Variants in PCDH7 observed in about 807,000 individuals in gnomAD.
The protein encoded by PCDH7 is protocadherin 7.
Under a neutral mutation model 58.9 loss-of-function variants are expected in PCDH7, and 17 were observed. The ratio of observed to expected loss-of-function variants is 0.29; its 90% CI spans 0.20 to 0.43. PCDH7 has a LOEUF of 0.43. Ranked by LOEUF, PCDH7 falls within the 20% of genes least tolerant of loss-of-function variation. The pLI, the probability that PCDH7 is intolerant of heterozygous loss-of-function variation, is 1.00. For missense variants in PCDH7, 1,274 were observed against 1,441.0 expected, an observed-to-expected ratio of 0.88 and a Z score of 1.88; for synonymous variants, 664 against 616.4, an observed-to-expected ratio of 1.08 and a Z score of -1.14.
At chr4:30,768,279 A>ATCCAAGTAGTATGCATAAATCT (rs1720993507) in intron 1 of PCDH7, among the ~76,000 whole-genome samples, 2 of 144,066 alleles carry the variant, frequency 1.4e-5, no homozygotes, top group African/African-American at 5.2e-5. Flanking sequence ...ATATTGGCTA[A>ATCCAAGTAGTATGCATAAATCT]TCCAAGTAGT....
intron 1 of PCDH7, among the ~76,000 whole-genome samples, chr4:30,873,504 T>TCTATATACAAATTTAATTTGAGAC (rs1735884898): frequency 6.6e-6 from 1 of 152,086 alleles, no homozygotes; most frequent in African/African-American, 2.4e-5. Flanking sequence ...TAATTTGAGA[T>TCTATATACAAATTTAATTTGAGAC]CTATATGTAT....
rs550088212 is a variant in PCDH7, at chr4:30,856,434, T to C, written c.71-63719T>C. Reference sequence around the variant, plus strand: ...AGAATTTAGTAGGTAAAAGAAGAAATACAGATTAAACTTTGAGCTTCTTAA... The same window carrying C: ...AGAATTTAGTAGGTAAAAGAAGAAACACAGATTAAACTTTGAGCTTCTTAA... On this transcript the variant is annotated intron_variant, in intron 1 of 3. Transcript: ENST00000509759. Among the ~76,000 whole-genome samples, 27 of 152,128 alleles carry C rather than the reference T, an allele frequency of 1.8e-4. No individual in the cohort carries two copies. In the East Asian group the frequency reaches 4.1e-3, roughly 23 times the overall value.
intron 1 of PCDH7, among the ~76,000 whole-genome samples, chr4:30,789,853 T>C (rs764890037): frequency 6.6e-6 from 1 of 152,198 alleles, no homozygotes; most frequent in Non-Finnish European, 1.5e-5. Flanking sequence ...ATCTCTCTTA[T>C]GTCCCCCTGT....
intron 1 of PCDH7, among the ~76,000 whole-genome samples, chr4:30,776,858 G>GGTGTGTGTGTGT (rs57657077): frequency 2.0e-5 from 3 of 147,622 alleles, no homozygotes; most frequent in African/African-American, 7.5e-5. Flanking sequence ...TTTGATATGT[G>GGTGTGTGTGTGT]GTGTGTGTGT....
chr4:31,137,910 G>A (rs980183876), intron 3 of PCDH7, among the ~76,000 whole-genome samples: 1 of 152,154 alleles, frequency 6.6e-6, no homozygotes, highest in Admixed American at 6.5e-5. Context: ...AAAGATCCAT[G>A]TATCTCTAGC....
chr4:30,778,823 A>G (rs1722411583), intron 1 of PCDH7, among the ~76,000 whole-genome samples: 1 of 152,076 alleles, frequency 6.6e-6, no homozygotes, highest in Non-Finnish European at 1.5e-5. Flanking sequence ...CGTCTTTGTG[A>G]TATAATTCTC....
chr4:30,830,023 T>C (rs9884647), intron 1 of PCDH7, among the ~76,000 whole-genome samples: 5,758 of 152,218 alleles, frequency 0.038, 354 homozygotes, highest in African/African-American at 0.13. Context: ...TTAAAACTTA[T>C]TTATTCTGCT....
At chr4:31,078,667 A>C (rs1179603241) in intron 3 of PCDH7, among the ~76,000 whole-genome samples, 1 of 69,882 alleles carries the variant, frequency 1.4e-5, no homozygotes, top group African/African-American at 6.8e-5. Flanking sequence ...TTTTTTTTGC[A>C]ATCAAACATC....
chr4:31,070,605 CA>C (rs1234124371), intron 3 of PCDH7, among the ~76,000 whole-genome samples: 2 of 151,970 alleles, frequency 1.3e-5, no homozygotes, highest in Non-Finnish European at 2.9e-5. Flanking sequence ...GTTGTGTTAA[CA>C]AAATGATTAC....
chr4:31,115,074 C>T (rs756128590), intron 3 of PCDH7, among the ~76,000 whole-genome samples: 9 of 152,094 alleles, frequency 5.9e-5, no homozygotes, highest in Non-Finnish European at 1.2e-4. Flanking sequence ...ACTTCTGACC[C>T]GTTTCCCTCC....
intron 3 of PCDH7, among the ~76,000 whole-genome samples, chr4:31,018,359 C>T (rs867416231): frequency 2.6e-5 from 4 of 152,152 alleles, no homozygotes; most frequent in Non-Finnish European, 5.9e-5. Context: ...TAGAAGTGAA[C>T]TACATCTATC....
chr4:30,724,900 G>C (rs1319930740), intron 1 of PCDH7: 1 of 1,159,110 alleles, frequency 8.6e-7, no homozygotes, highest in Non-Finnish European at 1.1e-6. Context: ...TTTGTTTCCA[G>C]AATAAATATG....
intron 3 of PCDH7, among the ~76,000 whole-genome samples, chr4:31,063,049 A>G (rs1458258941): frequency 1.3e-5 from 2 of 151,860 alleles, no homozygotes; most frequent in Non-Finnish European, 2.9e-5. Context: ...TGGGTATCTG[A>G]GAAGACTTTG....
At chr4:31,039,254 T>A (rs1398582567) in intron 3 of PCDH7, among the ~76,000 whole-genome samples, 5 of 152,236 alleles carry the variant, frequency 3.3e-5, no homozygotes. Flanking sequence ...TCTCAACTCC[T>A]TCTACCATCA....
At chr4:30,879,161 T>TCCTC (rs1385662425) in intron 1 of PCDH7, among the ~76,000 whole-genome samples, 1 of 152,002 alleles carries the variant, frequency 6.6e-6, no homozygotes. Context: ...CCTCCTGTTT[T>TCCTC]CCTCCCTCCC....
At chr4:30,878,479 G>A (rs912736985) in intron 1 of PCDH7, among the ~76,000 whole-genome samples, 11 of 152,078 alleles carry the variant, frequency 7.2e-5, no homozygotes, top group Admixed American at 3.3e-4. Context: ...GGACCTTTCC[G>A]AAACTGAGGT....
intron 1 of PCDH7, chr4:30,724,806 C>T: frequency 7.2e-7 from 1 of 1,393,862 alleles, no homozygotes; most frequent in Non-Finnish European, 9.3e-7. Flanking sequence ...TTAAGGTTCA[C>T]TAAACTACTG....
chr4:31,123,945 A>C (rs1171731999), intron 3 of PCDH7, among the ~76,000 whole-genome samples: 1 of 152,118 alleles, frequency 6.6e-6, no homozygotes, highest in Non-Finnish European at 1.5e-5. Context: ...TCCAATGTCC[A>C]GCTGCCTCTT....
intron 3 of PCDH7, among the ~76,000 whole-genome samples, chr4:30,998,212 A>G (rs1752065772): frequency 6.6e-6 from 1 of 152,182 alleles, no homozygotes; most frequent in Admixed American, 6.6e-5. Context: ...TGTGCAAGAG[A>G]AACAGCCAGA....
Sources: allele counts gnomAD v4.1 joint callset (sites outside exome capture counted in the v4.1 genomes callset), GRCh38; gene constraint gnomAD v4.1.1; transcripts MANE v1.5; gene names NCBI Gene and HGNC (gene_info 2026-07-23, HGNC 2026-07-21).